PRDM11: variants seen among roughly 807,000 people sequenced by gnomAD.
PRDM11 encodes PR/SET domain 11.
PRDM11 carries 20 observed loss-of-function variants against 97.8 expected under a neutral mutation model. The observed-to-expected ratio is 0.20, with a 90% CI of 0.14 to 0.30. The LOEUF (loss-of-function observed/expected upper bound fraction) is 0.30, where lower values mean the gene tolerates loss of function less well. Among genes scored for constraint, PRDM11 ranks in the 10% least tolerant of loss-of-function variants. The probability of loss-of-function intolerance (pLI) is 1.00; values close to 1 mark genes in which losing one functional copy is unlikely to be tolerated. For missense variants in PRDM11, 1,139 were observed against 1,555.2 expected (o/e 0.73, Z 4.50); for synonymous variants, 599 against 637.7 (o/e 0.94, Z 0.91).
At chr11:45,187,307 C>T (rs964572488) in intron 4 of PRDM11, among the ~76,000 whole-genome samples, 1 of 152,154 alleles carries the variant, frequency 6.6e-6, no homozygotes, top group Non-Finnish European at 1.5e-5. Context: ...AAGCCTATGG[C>T]TTCACAGCCT....
intron 4 of PRDM11, among the ~76,000 whole-genome samples, chr11:45,200,369 C>G (rs1418698770): frequency 6.6e-6 from 1 of 152,212 alleles, no homozygotes; most frequent in Non-Finnish European, 1.5e-5. Context: ...TATTTGAACT[C>G]TTAATAATCC....
intron 1 of PRDM11, among the ~76,000 whole-genome samples, chr11:45,173,929 G>A (rs920739360): frequency 1.6e-4 from 24 of 152,170 alleles, no homozygotes; most frequent in Non-Finnish European, 5.9e-5. Flanking sequence ...TGCACATATT[G>A]TAAAAGCTGG....
chr11:45,230,076 T>C lies in PRDM11; in HGVS notation c.*1917T>C, dbSNP rs550490596. The C allele has an allele frequency of 6.6e-6, 1 of 151,956 alleles. No individual in the cohort carries two copies. The highest frequency in any genetic ancestry group is 1.5e-5 in the Non-Finnish European group (1 of 67,978). 9.4% of individuals were successfully genotyped at this position (151,956 alleles called of 1,614,324 possible). ...CACCTCCATGGTCTTGGTGCTAAGA[T>C]AACTTTAGAATCATTGCTGCTAGTC... is the stretch of plus-strand genomic sequence containing the variant. On this transcript the variant is annotated 3_prime_UTR_variant, in exon 8 of 8. Coordinates refer to ENST00000683152, the MANE Select transcript of PRDM11 (RefSeq NM_001384648.1).
intron 1 of PRDM11, among the ~76,000 whole-genome samples, chr11:45,108,338 G>A (rs987486046): frequency 3.3e-5 from 5 of 152,192 alleles, no homozygotes; most frequent in African/African-American, 4.8e-5. Flanking sequence ...CAGCTTGAGG[G>A]GTGGCCTTGG....
At chr11:45,166,457 C>G (rs942312744) in intron 1 of PRDM11, among the ~76,000 whole-genome samples, 7 of 152,348 alleles carry the variant, frequency 4.6e-5, no homozygotes, top group African/African-American at 1.2e-4. Flanking sequence ...CCTGCAGATA[C>G]GAGCACTGGT....
chr11:45,169,242 C>T (rs1852143153), intron 1 of PRDM11, among the ~76,000 whole-genome samples: 1 of 152,190 alleles, frequency 6.6e-6, no homozygotes. Flanking sequence ...ATTAATAGCC[C>T]CTAGGCATCA....
chr11:45,231,620 G>T lies in PRDM11; in HGVS notation c.*3461G>T, dbSNP rs559623938. 5.3e-5 allele frequency: 8 copies of T among 151,840 alleles called. No individual in the cohort carries two copies. In the East Asian group the frequency reaches 1.2e-3, roughly 22 times the overall value. 9.4% of individuals were successfully genotyped at this position (151,840 alleles called of 1,614,324 possible). On this transcript the variant is annotated 3_prime_UTR_variant, in exon 8 of 8. Transcript: ENST00000683152. ...ATCAACCTTGAGGCCCAGGTTTGTG[G>T]CCAACTGTGCCAAGGTGATACCTGG... is the stretch of plus-strand genomic sequence containing the variant.
Position 45,226,814 on chromosome 11 carries a change from G to T in PRDM11, c.2189G>T (p.Gly730Val). ...LQDEKPTVGLGVDGANITASL... is the reference protein window; with the variant it reads ...LQDEKPTVGLVVDGANITASL... ...GATGAAAAGCCAACTGTTGGCTTGG[G>T]TGTAGATGGAGCCAACATCACAGCC... The change falls in exon 8 of 8, where the codon GGT becomes GTT. Residue 730 changes from glycine to valine, a missense_variant. Gly to Val is a moderately radical substitution (Grantham distance 109). Around this residue, in one of 2 missense-constraint regions of PRDM11, gnomAD observed 710 missense variants for 1,044.9 expected, o/e 0.68. Transcript: ENST00000683152. 6.5e-7 allele frequency: 1 copy of T among 1,533,900 alleles called. No individual in the cohort carries two copies. The highest frequency in any genetic ancestry group is 8.7e-7 in the Non-Finnish European group (1 of 1,146,728).
chr11:45,210,478 G>A (rs1294515148), intron 5 of PRDM11, among the ~76,000 whole-genome samples: 4 of 152,300 alleles, frequency 2.6e-5, no homozygotes, highest in African/African-American at 7.2e-5. Flanking sequence ...CCCGTGCCCC[G>A]CCAGCTGCAG....
At chr11:45,205,094 C>T (rs902695109) in intron 5 of PRDM11, among the ~76,000 whole-genome samples, 1 of 152,178 alleles carries the variant, frequency 6.6e-6, no homozygotes, top group Non-Finnish European at 1.5e-5. Context: ...TGTCCCCCAC[C>T]TAGGACTGTG....
At chr11:45,147,132 C>T (rs995847878) in intron 1 of PRDM11, among the ~76,000 whole-genome samples, 1 of 151,322 alleles carries the variant, frequency 6.6e-6, no homozygotes, top group African/African-American at 2.4e-5. Flanking sequence ...AGCCGGGGGC[C>T]GCCCTCCGCC....
At chr11:45,115,626 C>G (rs183080096) in intron 1 of PRDM11, among the ~76,000 whole-genome samples, 1 of 152,208 alleles carries the variant, frequency 6.6e-6, no homozygotes, top group Non-Finnish European at 1.5e-5. Flanking sequence ...TTATATCATG[C>G]AAGCATTAGA....
chr11:45,137,751 A>G (rs1487816610), intron 1 of PRDM11, among the ~76,000 whole-genome samples: 1 of 152,210 alleles, frequency 6.6e-6, no homozygotes, highest in Non-Finnish European at 1.5e-5. Context: ...CTGTAAAGAA[A>G]GAGAGAAAAT....
intron 1 of PRDM11, among the ~76,000 whole-genome samples, chr11:45,120,824 T>G (rs1331848424): frequency 6.6e-6 from 1 of 152,128 alleles, no homozygotes; most frequent in Non-Finnish European, 1.5e-5. Context: ...ATAATGACAA[T>G]GTATCTTCAG....
intron 4 of PRDM11, among the ~76,000 whole-genome samples, chr11:45,191,067 A>G (rs1026189230): frequency 6.6e-6 from 1 of 152,178 alleles, no homozygotes; most frequent in African/African-American, 2.4e-5. Flanking sequence ...GGTATCACAC[A>G]TTGCATTTAG....
At chr11:45,129,286 A>C (rs1852663661) in intron 1 of PRDM11, among the ~76,000 whole-genome samples, 1 of 152,186 alleles carries the variant, frequency 6.6e-6, no homozygotes, top group Non-Finnish European at 1.5e-5. Context: ...ATCGTACTGA[A>C]GATCCTAGCC....
In PRDM11 at chr11:45,230,424, C is replaced by G. The variant is rs1032184251; in HGVS notation, c.*2265C>G. 6.6e-6 allele frequency: 1 copy of G among 152,212 alleles called. No homozygotes were observed. The highest frequency in any genetic ancestry group is 1.5e-5 in the Non-Finnish European group (1 of 68,066). 9.4% of individuals were successfully genotyped at this position (152,212 alleles called of 1,614,324 possible). On this transcript the variant is annotated 3_prime_UTR_variant, in exon 8 of 8. Transcript: ENST00000683152. The stretch of plus-strand genomic sequence containing the variant: ...GGCTTTGAGATTCCCAGCCCCATTC[C>G]ACTTCCCCACTTTAAACTGATGTCT...
At chr11:45,178,366 C>T (rs1590408565) in intron 1 of PRDM11, among the ~76,000 whole-genome samples, 1 of 152,144 alleles carries the variant, frequency 6.6e-6, no homozygotes, top group Non-Finnish European at 1.5e-5. Context: ...GATTATCCTC[C>T]CCAACTTATC....
chr11:45,157,114 ACT>A (rs1851817019), intron 1 of PRDM11, among the ~76,000 whole-genome samples: 1 of 151,764 alleles, frequency 6.6e-6, no homozygotes, highest in South Asian at 2.1e-4. Flanking sequence ...CGCCACAGAA[ACT>A]CTGTCCAGGT....
Sources: gnomAD v4.1 joint callset for allele counts (sites outside exome capture counted in the v4.1 genomes callset) on GRCh38, gnomAD v4.1.1 for gene constraint, gnomAD v4.1.1 regional missense constraint, MANE v1.5 for transcripts, NCBI Gene and HGNC (gene_info 2026-07-23, HGNC 2026-07-21) for gene names.